CHP1: variants seen among roughly 807,000 people sequenced by gnomAD.
The protein encoded by CHP1 is calcineurin like EF-hand protein 1.
In CHP1, 11 loss-of-function variants were observed where a neutral mutation model predicts 27.4. The ratio of observed to expected loss-of-function variants is 0.40; its 90% CI spans 0.25 to 0.67. CHP1 has a LOEUF of 0.67. CHP1 is among the 30% of genes least tolerant of loss of function. The probability of loss-of-function intolerance (pLI) is 0.38; values close to 1 mark genes in which losing one functional copy is unlikely to be tolerated. For synonymous variants in CHP1, 89 were observed against 87.4 expected (o/e 1.02, Z -0.10); for missense variants, 169 against 251.3 (o/e 0.67, Z 2.22).
chr15:41,262,965 C>T (rs2047441003), intron 4 of CHP1, 82 bp downstream of exon 4: 1 of 1,527,930 alleles, frequency 6.5e-7, no homozygotes, highest in African/African-American at 1.4e-5. Context: ...ATTATTTGAA[C>T]AAGCATCTAC....
chr15:41,246,848 A>T (rs1257256932), intron 2 of CHP1, among the ~76,000 whole-genome samples: 1 of 150,776 alleles, frequency 6.6e-6, no homozygotes, highest in Admixed American at 6.6e-5. Flanking sequence ...AGATCACGCT[A>T]CTGCACTCCA....
intron 1 of CHP1, among the ~76,000 whole-genome samples, chr15:41,239,376 T>A (rs2047294648): frequency 1.3e-5 from 2 of 151,954 alleles, no homozygotes. Flanking sequence ...TTTAACATAT[T>A]AGTACATTAT....
intron 1 of CHP1, among the ~76,000 whole-genome samples, chr15:41,242,123 A>G (rs977474116): frequency 9.2e-5 from 14 of 152,204 alleles, no homozygotes; most frequent in African/African-American, 3.4e-4. Flanking sequence ...GGAGCAAAAT[A>G]GCTTTCTGGT....
At chr15:41,253,784 G>A (rs1456388651) in intron 2 of CHP1, among the ~76,000 whole-genome samples, 1 of 151,416 alleles carries the variant, frequency 6.6e-6, no homozygotes, top group South Asian at 2.1e-4. Context: ...CTTTCTGTTT[G>A]TTTTGTTTTT....
At chr15:41,279,104 G>A (rs1448147584) in intron 6 of CHP1, among the ~76,000 whole-genome samples, 1 of 151,824 alleles carries the variant, frequency 6.6e-6, no homozygotes, top group African/African-American at 2.4e-5. Flanking sequence ...CCAGCTACTT[G>A]GGAGGCTGAG....
rs183674246 is a variant in CHP1, at chr15:41,244,969, G to T, written c.140+1230G>T. Among the ~76,000 whole-genome samples, 231 of 152,172 alleles carry T rather than the reference G, an allele frequency of 1.5e-3. 2 individuals are homozygous for T. Among genetic ancestry groups the T allele is most frequent in the African/African-American group, 5.1e-3 (212 of 41,514 alleles). Reference sequence around the variant, plus strand: ...CACAGGTGTTGGATGTAGCATAAAGGGGGAAGGAATACAGTTGCTAAGCCT... The same window carrying T: ...CACAGGTGTTGGATGTAGCATAAAGTGGGAAGGAATACAGTTGCTAAGCCT... On this transcript the variant is annotated intron_variant, in intron 2 of 6. Transcript: ENST00000334660.
intron 2 of CHP1, among the ~76,000 whole-genome samples, chr15:41,252,538 A>G (rs1402137629): frequency 6.6e-6 from 1 of 152,144 alleles, no homozygotes; most frequent in East Asian, 1.9e-4. Context: ...TAATCTCCTC[A>G]TTATGTACAA....
intron 4 of CHP1, among the ~76,000 whole-genome samples, chr15:41,267,766 C>A: frequency 6.8e-6 from 1 of 147,114 alleles, no homozygotes. Flanking sequence ...GCAACAGTAT[C>A]TACAAAAAAA....
intron 1 of CHP1, among the ~76,000 whole-genome samples, chr15:41,241,534 C>T (rs1396697944): frequency 6.6e-6 from 1 of 152,226 alleles, no homozygotes; most frequent in African/African-American, 2.4e-5. Context: ...CAAGTGTGTA[C>T]ACTTTACAGT....
intron 4 of CHP1, among the ~76,000 whole-genome samples, chr15:41,265,287 C>A (rs1402876620): frequency 7.3e-6 from 1 of 137,220 alleles, no homozygotes; most frequent in South Asian, 2.3e-4. Context: ...TTGCTTGAAC[C>A]TGGGAGGTGG....
chr15:41,231,335 G>T lies in CHP1; in HGVS notation c.-48G>T, dbSNP rs754248623. 2 of 1,540,166 alleles carry T rather than the reference G, an allele frequency of 1.3e-6. No individual in the cohort carries two copies. The highest frequency in any genetic ancestry group is 1.2e-5 in the South Asian group (1 of 84,532). On this transcript the variant is annotated 5_prime_UTR_variant, in exon 1 of 7. Transcript: ENST00000334660. ...CTTCCCTCCCTCCTTCCCTCCTGTC[G>T]CCGTCTCTTCTGGCGCCGCTGCTCC...
intron 2 of CHP1, among the ~76,000 whole-genome samples, chr15:41,256,380 A>G (rs1233171348): frequency 6.6e-6 from 1 of 152,202 alleles, no homozygotes; most frequent in East Asian, 1.9e-4. Flanking sequence ...AAATGGAGAA[A>G]AAGCCAGAGT....
chr15:41,273,816 C>A (rs925122878), intron 5 of CHP1, among the ~76,000 whole-genome samples: 10 of 151,476 alleles, frequency 6.6e-5, no homozygotes, highest in African/African-American at 1.9e-4. Context: ...TGTTTCACTC[C>A]TGTAATTCCA....
rs140959005 is a variant in CHP1 at position 41,275,587 on chromosome 15, G to T, written c.412-3180G>T. Reference sequence around the variant, plus strand: ...ATGGATTGGTTGATTGACTGATAGGGTCTCCCTCTGCTGCCTACTCTGGAG... The same window carrying T: ...ATGGATTGGTTGATTGACTGATAGGTTCTCCCTCTGCTGCCTACTCTGGAG... On this transcript the variant is annotated intron_variant, in intron 5 of 6. Coordinates refer to ENST00000334660, the MANE Select transcript of CHP1 (RefSeq NM_007236.5). Among the ~76,000 whole-genome samples the T allele has an allele frequency of 2.6e-5, 4 of 152,212 alleles. No homozygotes were observed. The East Asian group carries it at 7.7e-4, about 29-fold the overall frequency.
In CHP1 at chr15:41,231,475, G is replaced by T. The variant is rs1426047230; in HGVS notation, c.67+26G>T. The T allele has an allele frequency of 6.9e-6, 11 of 1,586,420 alleles. No homozygotes were observed. The African/African-American group carries it at 1.1e-4, about 15-fold the overall frequency. Reference sequence around the variant, plus strand: ...GTGAGTTCGGGTTGGGGGTGGGAACGCCGGGCGCCTCAGGCTGGCCTCACA... The same window carrying T: ...GTGAGTTCGGGTTGGGGGTGGGAACTCCGGGCGCCTCAGGCTGGCCTCACA... On this transcript the variant is annotated intron_variant, in intron 1 of 6. Transcript: ENST00000334660.
At chr15:41,271,155 T>C (rs1446961965) in intron 5 of CHP1, among the ~76,000 whole-genome samples, 1 of 149,196 alleles carries the variant, frequency 6.7e-6, no homozygotes, top group Admixed American at 6.9e-5. Context: ...CTCCGGAGAC[T>C]GAGGCAGGAG....
At chr15:41,257,083 C>T (rs974672477) in intron 3 of CHP1, 93 bp downstream of exon 3, 2 of 937,362 alleles carry the variant, frequency 2.1e-6, no homozygotes, top group Non-Finnish European at 3.3e-6. Context: ...TGTGCCATCT[C>T]AGACTGTGAT....
At chr15:41,275,931 G>A (rs545178646) in intron 5 of CHP1, among the ~76,000 whole-genome samples, 1 of 152,180 alleles carries the variant, frequency 6.6e-6, no homozygotes, top group South Asian at 2.1e-4. Context: ...CCCGGCCCAT[G>A]AAATCGATTT....
At chr15:41,268,669 C>T (rs1035302327) in intron 4 of CHP1, among the ~76,000 whole-genome samples, 8 of 142,900 alleles carry the variant, frequency 5.6e-5, no homozygotes, top group Non-Finnish European at 7.6e-5. Context: ...AGGCCAGGCG[C>T]GATGGCTCAC....
Sources: gnomAD v4.1 joint callset for allele counts (sites outside exome capture counted in the v4.1 genomes callset) on GRCh38, gnomAD v4.1.1 for gene constraint, MANE v1.5 for transcripts, NCBI Gene and HGNC (gene_info 2026-07-23, HGNC 2026-07-21) for gene names.